PDE3A: variants seen among roughly 807,000 people sequenced by gnomAD.
The protein encoded by PDE3A is cGMP-inhibited 3',5'-cyclic phosphodiesterase 3A.
In PDE3A, 43 loss-of-function variants were observed where a neutral mutation model predicts 98.3. The ratio of observed to expected loss-of-function variants is 0.44; its 90% CI spans 0.34 to 0.56. The LOEUF is 0.56. Among genes scored for constraint, PDE3A ranks in the 20% least tolerant of loss-of-function variants. The pLI is 0.01. For missense variants in PDE3A, 1,427 were observed against 1,440.7 expected, an observed-to-expected ratio of 0.99 and a Z score of 0.15; for synonymous variants, 663 against 567.9, an observed-to-expected ratio of 1.17 and a Z score of -2.38.
At chr12:20,594,778 T>C (rs1488641073) in intron 2 of PDE3A, among the ~76,000 whole-genome samples, 1 of 152,138 alleles carries the variant, frequency 6.6e-6, no homozygotes, top group Non-Finnish European at 1.5e-5. Context: ...CTGGTGCTCA[T>C]CACTCAGCCC....
At chr12:20,501,168 T>C (rs1262689942) in intron 1 of PDE3A, among the ~76,000 whole-genome samples, 1 of 152,208 alleles carries the variant, frequency 6.6e-6, no homozygotes, top group Non-Finnish European at 1.5e-5. Flanking sequence ...ACAAGTTTTT[T>C]CTCTTAATAC....
chr12:20,598,502 A>T lies in PDE3A; in HGVS notation c.1012-14941A>T, dbSNP rs920998702. Among the ~76,000 whole-genome samples, 13 of 152,242 alleles carry T rather than the reference A, an allele frequency of 8.5e-5. No homozygotes were observed. In the East Asian group the frequency reaches 2.3e-3, roughly 27 times the overall value. ...CCCTACTGACTTTTAAAATACATTTATGAGGTGTTTAATGTTGTGTTAAAA... is the reference window on the plus strand; with the variant it reads ...CCCTACTGACTTTTAAAATACATTTTTGAGGTGTTTAATGTTGTGTTAAAA... On this transcript the variant is annotated intron_variant, in intron 2 of 15. Transcript: ENST00000359062.
At chr12:20,629,852 G>C in intron 5 of PDE3A, 56 bp from the exon 6 acceptor site, 1 of 1,323,192 alleles carries the variant, frequency 7.6e-7, no homozygotes, top group Non-Finnish European at 1.1e-6. Context: ...TTCAACAGTT[G>C]CAATTTTGCA....
intron 15 of PDE3A, among the ~76,000 whole-genome samples, chr12:20,673,243 C>T (rs1287806444): frequency 6.6e-6 from 1 of 151,848 alleles, no homozygotes; most frequent in South Asian, 2.1e-4. Context: ...CACTTTTACA[C>T]TGTTGGTGGG....
chr12:20,473,021 C>T (rs1945467600), intron 1 of PDE3A, among the ~76,000 whole-genome samples: 1 of 151,712 alleles, frequency 6.6e-6, no homozygotes, highest in African/African-American at 2.4e-5. Context: ...GTTATAAGAC[C>T]CATGGCTTTT....
At chr12:20,565,588 A>G (rs900240665) in intron 2 of PDE3A, among the ~76,000 whole-genome samples, 71 of 152,090 alleles carry the variant, frequency 4.7e-4, no homozygotes, top group African/African-American at 1.6e-3. Context: ...GGAGGAGGTT[A>G]TATGGAGTAG....
intron 2 of PDE3A, among the ~76,000 whole-genome samples, chr12:20,568,841 A>T (rs972770349): frequency 2.0e-5 from 3 of 152,030 alleles, no homozygotes; most frequent in African/African-American, 7.2e-5. Context: ...ATATGGATAA[A>T]GAAGTAGTTT....
At chr12:20,475,474 A>G (rs991676121) in intron 1 of PDE3A, among the ~76,000 whole-genome samples, 10 of 152,146 alleles carry the variant, frequency 6.6e-5, no homozygotes, top group Non-Finnish European at 1.2e-4. Flanking sequence ...CATGCCTGTC[A>G]TCCCAGCACT....
intron 1 of PDE3A, among the ~76,000 whole-genome samples, chr12:20,521,139 T>G (rs548221431): frequency 6.6e-6 from 1 of 151,838 alleles, no homozygotes; most frequent in Non-Finnish European, 1.5e-5. Context: ...TGGAGTGTTT[T>G]TTTTTTTTTT....
chr12:20,620,482 C>T (rs746942606), intron 4 of PDE3A, among the ~76,000 whole-genome samples: 1 of 152,010 alleles, frequency 6.6e-6, no homozygotes, highest in South Asian at 2.1e-4. Flanking sequence ...ATTTCAGATT[C>T]AACATGTATA....
chr12:20,665,853 T>TTGTA (rs1214656176), intron 15 of PDE3A, among the ~76,000 whole-genome samples: 3 of 152,106 alleles, frequency 2.0e-5, no homozygotes, highest in Admixed American at 6.5e-5. Flanking sequence ...CAATATATAT[T>TTGTA]TGTACATATT....
chr12:20,628,498 A>G lies in PDE3A; in HGVS notation c.1541-1410A>G, dbSNP rs12305873. 5.6e-3 allele frequency among the ~76,000 whole-genome samples: 846 copies of G among 152,212 alleles called. 11 individuals are homozygous for G. The highest frequency in any genetic ancestry group is 0.019 in the African/African-American group (806 of 41,524). On this transcript the variant is annotated intron_variant, in intron 5 of 15. Coordinates refer to ENST00000359062, the MANE Select transcript of PDE3A (RefSeq NM_000921.5). Reference sequence around the variant, plus strand: ...ATAGAGGTACTGGTTTATAAGCTGCATTTTACTAAGAGTAGCTGGGTTTAC... The same window carrying G: ...ATAGAGGTACTGGTTTATAAGCTGCGTTTTACTAAGAGTAGCTGGGTTTAC...
Position 20,369,163 on chromosome 12 carries a change from A to T in PDE3A, c.-122A>T. On this transcript the variant is annotated 5_prime_UTR_variant, in exon 1 of 16. Transcript: ENST00000359062. ...GGGCCTGGGGAGAAGAAGGATTCCG[A>T]GGGTGGAATTGGGAAGAGCGTGCGT... 3 of 631,274 alleles carry T rather than the reference A, an allele frequency of 4.8e-6. No homozygotes were observed. The South Asian group carries it at 7.1e-5, about 15-fold the overall frequency. The allele number at this position is 631,274 out of a possible 1,614,324, so 39.1% of individuals were successfully genotyped here.
chr12:20,556,799 G>A lies in PDE3A; in HGVS notation c.1011+89G>A, dbSNP rs4762972. The A allele has an allele frequency of 1, 946,499 of 948,364 alleles. 472,344 individuals are homozygous for A. The highest frequency in any genetic ancestry group is 1 in the East Asian group (41,752 of 41,752). 58.7% of individuals were successfully genotyped at this position (948,364 alleles called of 1,614,324 possible). On this transcript the variant is annotated intron_variant, in intron 2 of 15. Transcript: ENST00000359062. Reference sequence around the variant, plus strand: ...TAAAACTCAAGAGATAATAAAATGTGGAGCGAGGAAGAGGCAAAATAACCA... The same window carrying A: ...TAAAACTCAAGAGATAATAAAATGTAGAGCGAGGAAGAGGCAAAATAACCA...
At chr12:20,370,400 G>GT (rs776856187) in intron 1 of PDE3A, 156 bp downstream of exon 1, 9,424 of 357,512 alleles carry the variant, frequency 0.026, 115 homozygotes, top group East Asian at 0.098. Flanking sequence ...TTTTTTTTTT[G>GT]TTTTTTTTGT....
At chr12:20,556,813 G>A in intron 2 of PDE3A, 103 bp downstream of exon 2, 1 of 827,402 alleles carries the variant, frequency 1.2e-6, no homozygotes, top group Non-Finnish European at 2.1e-6. Context: ...CGAGGAAGAG[G>A]CAAAATAACC....
intron 2 of PDE3A, among the ~76,000 whole-genome samples, chr12:20,585,194 T>C (rs1464093138): frequency 1.3e-5 from 2 of 152,172 alleles, no homozygotes; most frequent in Non-Finnish European, 2.9e-5. Context: ...AAAACTTGCT[T>C]AGTTTATAAG....
intron 1 of PDE3A, among the ~76,000 whole-genome samples, chr12:20,421,696 G>T (rs1196080725): frequency 6.6e-6 from 1 of 151,870 alleles, no homozygotes; most frequent in African/African-American, 2.4e-5. Context: ...GAGGTGAAAT[G>T]AGCCCTGGTT....
chr12:20,653,400 T>C (rs1366022484), intron 14 of PDE3A, among the ~76,000 whole-genome samples: 2 of 151,754 alleles, frequency 1.3e-5, no homozygotes, highest in Non-Finnish European at 2.9e-5. Context: ...GGAGTCTCAC[T>C]CTGTCACCCT....
Sources: allele counts gnomAD v4.1 joint callset (sites outside exome capture counted in the v4.1 genomes callset), GRCh38; gene constraint gnomAD v4.1.1; transcripts MANE v1.5; gene names NCBI Gene and HGNC (gene_info 2026-07-23, HGNC 2026-07-21).